The following USP13 variants were observed in gnomAD, a reference collection of about 807,000 sequenced individuals.
The protein encoded by USP13 is ubiquitin carboxyl-terminal hydrolase 13.
USP13 carries 68 observed loss-of-function variants against 107.8 expected under a neutral mutation model. The observed-to-expected ratio is 0.63, with a 90% CI of 0.52 to 0.77. The LOEUF is 0.77. USP13 is among the 30% of genes least tolerant of loss of function. The pLI is 0.00. For synonymous variants in USP13, 377 were observed against 389.5 expected (o/e 0.97, Z 0.38); for missense variants, 945 against 1,093.3 (o/e 0.86, Z 1.91).
In USP13 at chr3:179,653,219, C is replaced by G. The variant is rs1364547449; in HGVS notation, c.-7C>G. The G allele has an allele frequency of 6.6e-7, 1 of 1,524,774 alleles. No individual in the cohort carries two copies. Among genetic ancestry groups the G allele is most frequent in the South Asian group, 1.2e-5 (1 of 82,924 alleles). 94.5% of individuals were successfully genotyped at this position (1,524,774 alleles called of 1,614,324 possible). A position where few individuals can be genotyped will look rare whatever the true frequency, so the allele number is the denominator to read the frequency against. On this transcript the variant is annotated 5_prime_UTR_variant, in exon 1 of 21. Coordinates refer to ENST00000263966, the MANE Select transcript of USP13 (RefSeq NM_003940.3). This position sits in a 1 kb window ranked among gnomAD's most constrained non-coding sequence, Gnocchi z 4.0. ...CGGCTCGCTCGGCTCCGGTGCGCGC[C>G]GAGGCCATGCAGCGCCGGGGCGCCC...
At chr3:179,724,792 TTTTAA>T (rs1713454321) in intron 8 of USP13, among the ~76,000 whole-genome samples, 1 of 152,242 alleles carries the variant, frequency 6.6e-6, no homozygotes, top group Non-Finnish European at 1.5e-5. Flanking sequence ...TTCTTCTGCA[TTTTAA>T]TTTAATTTTG....
At chr3:179,783,751 C>G (rs1715824933) in intron 20 of USP13, among the ~76,000 whole-genome samples, 1 of 151,902 alleles carries the variant, frequency 6.6e-6, no homozygotes, top group Non-Finnish European at 1.5e-5. Context: ...GCCTGTGTTC[C>G]CAGCTACTCC....
At position 179,764,079 on chromosome 3, in the gene USP13, C is replaced by T. The variant is rs778214749; in HGVS notation, c.2170C>T (p.Leu724=). Residue 724 remains leucine (L), a synonymous_variant, in exon 18 of 21, where the codon CTG becomes TTG. Coordinates refer to ENST00000263966, the MANE Select transcript of USP13 (RefSeq NM_003940.3). ...AGCCTCTGTTTTTGGTGCTTCTGGA[C>T]TGGATAACCAACCTCCAGAGGAAAT... is the stretch of plus-strand genomic sequence containing the variant. ...AGASVFGASG[L]DNQPPEEIVA... is the part of the protein sequence containing the mutation. 6 of 1,613,938 alleles carry T rather than the reference C, an allele frequency of 3.7e-6. No homozygotes were observed. The highest frequency in any genetic ancestry group is 5.1e-6 in the Non-Finnish European group (6 of 1,180,006).
chr3:179,700,787 A>G (rs115407660), intron 3 of USP13, among the ~76,000 whole-genome samples: 3,146 of 152,302 alleles, frequency 0.021, 122 homozygotes, highest in African/African-American at 0.073. Context: ...CTCAGTCTTC[A>G]TACATCAGTC....
intron 3 of USP13, among the ~76,000 whole-genome samples, chr3:179,699,715 G>T (rs1457170176): frequency 3.6e-5 from 3 of 83,208 alleles, no homozygotes; most frequent in Non-Finnish European, 8.0e-5. Context: ...AAAAAAAAAA[G>T]CTTAGATTGC....
At chr3:179,714,556 A>G (rs770973476) in intron 6 of USP13, among the ~76,000 whole-genome samples, 4 of 152,190 alleles carry the variant, frequency 2.6e-5, no homozygotes, top group Non-Finnish European at 5.9e-5. Context: ...TCTAGCATCT[A>G]GTAGTGTGCC....
intron 13 of USP13, among the ~76,000 whole-genome samples, chr3:179,750,612 C>T (rs1190924546): frequency 2.0e-5 from 3 of 151,954 alleles, no homozygotes; most frequent in Admixed American, 2.0e-4. Context: ...AAATAACTTG[C>T]CTGGAGGTAA....
chr3:179,696,631 C>T (rs1712338249), intron 3 of USP13, among the ~76,000 whole-genome samples: 1 of 152,140 alleles, frequency 6.6e-6, no homozygotes, highest in African/African-American at 2.4e-5. Context: ...TGCGCCTGGC[C>T]AGGCATTTCT....
chr3:179,720,146 T>C, intron 7 of USP13, 112 bp downstream of exon 7: 1 of 662,034 alleles, frequency 1.5e-6, no homozygotes, highest in South Asian at 3.6e-5. Context: ...GGATCTTCAT[T>C]TTATAGGTTT....
chr3:179,689,266 A>G (rs1022946715), intron 2 of USP13, among the ~76,000 whole-genome samples: 2 of 152,158 alleles, frequency 1.3e-5, no homozygotes, highest in Admixed American at 6.5e-5. Context: ...TGAGAGTAAA[A>G]TGTTTTGTGT....
chr3:179,706,456 A>T (rs1282914595), intron 4 of USP13, among the ~76,000 whole-genome samples: 1 of 152,232 alleles, frequency 6.6e-6, no homozygotes, highest in African/African-American at 2.4e-5. Flanking sequence ...CACCAGATTA[A>T]GAAATGGAGC....
At chr3:179,681,145 C>G (rs1341497295) in intron 1 of USP13, among the ~76,000 whole-genome samples, 1 of 152,138 alleles carries the variant, frequency 6.6e-6, no homozygotes, top group Non-Finnish European at 1.5e-5. Flanking sequence ...CATAGGAGCA[C>G]TTGGAGCCAG....
chr3:179,710,128 A>G (rs1267962137), intron 6 of USP13, among the ~76,000 whole-genome samples: 1 of 152,226 alleles, frequency 6.6e-6, no homozygotes, highest in Non-Finnish European at 1.5e-5. Flanking sequence ...AATCCTAGCT[A>G]TTGGTACCAA....
intron 19 of USP13, among the ~76,000 whole-genome samples, chr3:179,774,207 G>A (rs547000710): frequency 6.6e-6 from 1 of 152,126 alleles, no homozygotes; most frequent in African/African-American, 2.4e-5. Context: ...TGAACTAATA[G>A]AGTGAGAACT....
At chr3:179,730,359 A>C in intron 9 of USP13, 99 bp downstream of exon 9, 1 of 1,227,896 alleles carries the variant, frequency 8.1e-7, no homozygotes, top group South Asian at 1.4e-5. Context: ...GCAATTCTTC[A>C]TGTATTTTTA....
At chr3:179,746,662 CCTCA>C (rs1714420453) in intron 13 of USP13, among the ~76,000 whole-genome samples, 1 of 152,140 alleles carries the variant, frequency 6.6e-6, no homozygotes, top group African/African-American at 2.4e-5. Context: ...GAACTCCCAA[CCTCA>C]GGTGATCCTC....
intron 11 of USP13, among the ~76,000 whole-genome samples, chr3:179,740,640 A>T (rs1714160099): frequency 6.6e-6 from 1 of 152,014 alleles, no homozygotes; most frequent in South Asian, 2.1e-4. Flanking sequence ...CAGTTATTCC[A>T]TTCACAATTT....
intron 17 of USP13, 105 bp downstream of exon 17, chr3:179,761,360 C>A: frequency 7.1e-7 from 1 of 1,411,786 alleles, no homozygotes. Context: ...TAGAAAATGA[C>A]TTTATAGTTC....
intron 19 of USP13, 52 bp from the exon 20 acceptor site, chr3:179,781,687 C>A: frequency 6.7e-7 from 1 of 1,502,614 alleles, no homozygotes; most frequent in Non-Finnish European, 9.3e-7. Flanking sequence ...ACCAGAAGTG[C>A]TCTTCATTCT....
Sources: allele counts gnomAD v4.1 joint callset (sites outside exome capture counted in the v4.1 genomes callset), GRCh38; gene constraint gnomAD v4.1.1; non-coding constraint Gnocchi (gnomAD v3.1); transcripts MANE v1.5; gene names NCBI Gene and HGNC (gene_info 2026-07-23, HGNC 2026-07-21).